KCNIP4: variants seen among roughly 807,000 people sequenced by gnomAD.
KCNIP4 encodes the protein potassium voltage-gated channel interacting protein 4, also known as Kv channel-interacting protein 4.
A neutral mutation model predicts 34.0 loss-of-function variants in KCNIP4; 12 were observed. The observed-to-expected ratio is 0.35, with a 90% confidence interval of 0.23 to 0.57. KCNIP4 has a LOEUF of 0.57. Among genes scored for constraint, KCNIP4 ranks in the 20% least tolerant of loss-of-function variants. KCNIP4 has a pLI of 0.83. For missense variants in KCNIP4, 238 were observed against 311.7 expected, an observed-to-expected ratio of 0.76 and a Z score of 1.78; for synonymous variants, 124 against 102.2, an observed-to-expected ratio of 1.21 and a Z score of -1.29.
Position 21,441,733 on chromosome 4 carries a change from G to A in KCNIP4, c.61+506838C>T, listed in dbSNP as rs184225747. ...CATTCCTCTTCATTTCAAATAATTT[G>A]TCAGATATACTAAGCAGGATTTTGT... On this transcript the variant is annotated intron_variant, in intron 1 of 8. Coordinates refer to ENST00000382152, the MANE Select transcript of KCNIP4 (RefSeq NM_025221.6). Among the ~76,000 whole-genome samples the A allele has an allele frequency of 5.1e-3, 781 of 152,126 alleles. 4 individuals are homozygous for A. The highest frequency in any genetic ancestry group is 9.1e-3 in the Non-Finnish European group (619 of 68,008).
intron 3 of KCNIP4, among the ~76,000 whole-genome samples, chr4:20,811,197 G>A (rs1444423957): frequency 6.6e-6 from 1 of 151,962 alleles, no homozygotes; most frequent in Non-Finnish European, 1.5e-5. Context: ...ATTTCCATAG[G>A]GAAAAAACTC....
At chr4:21,579,604 A>G (rs1741045397) in intron 1 of KCNIP4, among the ~76,000 whole-genome samples, 1 of 151,990 alleles carries the variant, frequency 6.6e-6, no homozygotes, top group Non-Finnish European at 1.5e-5. Flanking sequence ...TTCTGGAGGC[A>G]TTTACCCACT....
At chr4:21,506,183 A>G (rs1246537699) in intron 1 of KCNIP4, among the ~76,000 whole-genome samples, 1 of 152,196 alleles carries the variant, frequency 6.6e-6, no homozygotes, top group African/African-American at 2.4e-5. Flanking sequence ...TCCTACAGCC[A>G]GTTGATTTTT....
chr4:21,824,957 T>C (rs1298779928), intron 1 of KCNIP4, among the ~76,000 whole-genome samples: 1 of 152,160 alleles, frequency 6.6e-6, no homozygotes, highest in East Asian at 1.9e-4. Context: ...CAATAAGGCA[T>C]GTTGCTTAAA....
intron 1 of KCNIP4, among the ~76,000 whole-genome samples, chr4:21,698,551 T>C (rs1186172545): frequency 6.6e-6 from 1 of 152,190 alleles, no homozygotes; most frequent in African/African-American, 2.4e-5. Flanking sequence ...GCCAGAAAAC[T>C]ACAGGCTTGC....
chr4:21,820,634 A>T (rs770864567), intron 1 of KCNIP4, among the ~76,000 whole-genome samples: 2 of 152,116 alleles, frequency 1.3e-5, no homozygotes, highest in Non-Finnish European at 2.9e-5. Flanking sequence ...ATCAAATGTA[A>T]TTTTAGAACT....
At chr4:20,800,925 A>T (rs1192345046) in intron 3 of KCNIP4, among the ~76,000 whole-genome samples, 1 of 152,226 alleles carries the variant, frequency 6.6e-6, no homozygotes, top group African/African-American at 2.4e-5. Flanking sequence ...ATTCAGATTC[A>T]CTTAGCTCCA....
chr4:21,153,448 CCTCT>C (rs965244473), intron 1 of KCNIP4, among the ~76,000 whole-genome samples: 2 of 132,848 alleles, frequency 1.5e-5, no homozygotes, highest in South Asian at 2.5e-4. Flanking sequence ...TCTCTCTGTC[CCTCT>C]CTCTCTCTCT....
At chr4:20,973,711 A>C (rs1034301621) in intron 1 of KCNIP4, among the ~76,000 whole-genome samples, 5 of 152,126 alleles carry the variant, frequency 3.3e-5, no homozygotes, top group Non-Finnish European at 7.4e-5. Context: ...TTGAACACTT[A>C]GAGGCCATTG....
At chr4:21,423,174 G>T (rs1030233927) in intron 1 of KCNIP4, among the ~76,000 whole-genome samples, 4 of 152,066 alleles carry the variant, frequency 2.6e-5, no homozygotes, top group African/African-American at 9.7e-5. Flanking sequence ...GCACTCAGAC[G>T]CTATCTTAGA....
intron 1 of KCNIP4, among the ~76,000 whole-genome samples, chr4:21,465,924 A>G (rs1729889068): frequency 6.6e-6 from 1 of 152,164 alleles, no homozygotes; most frequent in Non-Finnish European, 1.5e-5. Flanking sequence ...AACAACGTGT[A>G]TACTCTTCCC....
intron 1 of KCNIP4, among the ~76,000 whole-genome samples, chr4:20,926,400 TA>T: frequency 6.6e-6 from 1 of 152,212 alleles, no homozygotes; most frequent in Admixed American, 6.5e-5. Flanking sequence ...ATAGATTAAC[TA>T]TGTCATCTGC....
chr4:21,855,798 G>A (rs1403354148), intron 1 of KCNIP4: 4 of 152,076 alleles, frequency 2.6e-5, no homozygotes, highest in African/African-American at 7.2e-5. Flanking sequence ...CTATCTTCTT[G>A]TTTGCACCCT....
intron 3 of KCNIP4, among the ~76,000 whole-genome samples, chr4:20,782,895 T>C (rs1210239625): frequency 6.6e-6 from 1 of 152,226 alleles, no homozygotes; most frequent in African/African-American, 2.4e-5. Flanking sequence ...CAAACTTTTA[T>C]GCTCTGCTTC....
chr4:20,827,256 G>A (rs112533585), intron 3 of KCNIP4, among the ~76,000 whole-genome samples: 9 of 152,228 alleles, frequency 5.9e-5, no homozygotes, highest in South Asian at 2.1e-4. Context: ...AAAATACCAC[G>A]GACTGGGTGG....
intron 1 of KCNIP4, among the ~76,000 whole-genome samples, chr4:21,171,994 A>T (rs1754052084): frequency 6.6e-6 from 1 of 152,170 alleles, no homozygotes. Flanking sequence ...TCTACTGAGC[A>T]CTTACCATGT....
chr4:21,013,641 A>T (rs762576319), intron 1 of KCNIP4, among the ~76,000 whole-genome samples: 3 of 152,272 alleles, frequency 2.0e-5, no homozygotes, highest in Admixed American at 6.5e-5. Context: ...TTCCTTTTAC[A>T]CAAGATAAAG....
intron 1 of KCNIP4, among the ~76,000 whole-genome samples, chr4:21,458,456 G>A (rs1028507616): frequency 1.3e-5 from 2 of 151,782 alleles, no homozygotes; most frequent in Non-Finnish European, 2.9e-5. Context: ...ATAAACATAC[G>A]TGTGCATGTG....
chr4:21,289,356 T>C (rs1763300693), intron 1 of KCNIP4, among the ~76,000 whole-genome samples: 1 of 152,184 alleles, frequency 6.6e-6, no homozygotes, highest in Non-Finnish European at 1.5e-5. Context: ...TCGAGTATAG[T>C]CATCCTCTTG....
Sources: allele counts gnomAD v4.1 joint callset (sites outside exome capture counted in the v4.1 genomes callset), GRCh38; gene constraint gnomAD v4.1.1; transcripts MANE v1.5; gene names NCBI Gene and HGNC (gene_info 2026-07-23, HGNC 2026-07-21).